Variants in FOXR1 observed in about 807,000 individuals in gnomAD.
The protein encoded by FOXR1 is forkhead box protein R1.
A neutral mutation model predicts 34.5 loss-of-function variants in FOXR1; 25 were observed. That is an observed-to-expected ratio of 0.72 (90% CI 0.53 to 1.01). FOXR1 has a LOEUF of 1.01. Ranked by LOEUF, FOXR1 falls within the 50% of genes least tolerant of loss-of-function variation. The pLI, the probability that FOXR1 is intolerant of heterozygous loss-of-function variation, is 0.00. For synonymous variants in FOXR1, 153 were observed against 141.6 expected (o/e 1.08, Z -0.57); for missense variants, 373 against 376.2 (o/e 0.99, Z 0.07).
chr11:118,973,697 C>CT (rs33940358), intron 1 of FOXR1, among the ~76,000 whole-genome samples: 23,740 of 136,988 alleles, frequency 0.17, 2,276 homozygotes, highest in Middle Eastern at 0.27. Flanking sequence ...ACCCGGCCTT[C>CT]TTTTTTTTTT....
At chr11:118,977,483 G>A (rs1941793113) in intron 1 of FOXR1, among the ~76,000 whole-genome samples, 1 of 152,004 alleles carries the variant, frequency 6.6e-6, no homozygotes, top group Non-Finnish European at 1.5e-5. Flanking sequence ...CTTGAGTTGG[G>A]AGGTGGAGAT....
chr11:118,978,576 G>A (rs1417428148), intron 1 of FOXR1, among the ~76,000 whole-genome samples: 1 of 152,124 alleles, frequency 6.6e-6, no homozygotes, highest in East Asian at 1.9e-4. Context: ...TTCAGGGATA[G>A]TATACGTAGA....
In FOXR1 at chr11:118,972,009, G is replaced by A. The variant is rs1220196104; in HGVS notation, c.61+17G>A. The A allele has an allele frequency of 2.0e-6, 3 of 1,509,800 alleles. No individual in the cohort carries two copies. In the Admixed American group the frequency reaches 6.2e-5, roughly 31 times the overall value. The allele number at this position is 1,509,800 out of a possible 1,614,324, so 93.5% of individuals were successfully genotyped here. ...AGCAGAAACGTGAGTAGCGGGTGGG[G>A]TGAGGTGGGGGGCTGGGCGTGGCGG... On this transcript the variant is annotated intron_variant, in intron 1 of 5. Coordinates refer to ENST00000317011, the MANE Select transcript of FOXR1 (RefSeq NM_181721.3).
Position 118,971,995 on chromosome 11 carries a change from G to T in FOXR1, c.61+3G>T. 6.5e-7 allele frequency: 1 copy of T among 1,544,560 alleles called. No individual in the cohort carries two copies. The highest frequency in any genetic ancestry group is 8.7e-7 in the Non-Finnish European group (1 of 1,142,882). On this transcript the variant is annotated splice_donor_region_variant and intron_variant, in intron 1 of 5. Coordinates refer to ENST00000317011, the MANE Select transcript of FOXR1 (RefSeq NM_181721.3). Reference sequence around the variant, plus strand: ...CCTCCCCTTAGCGGAGCAGAAACGTGAGTAGCGGGTGGGGTGAGGTGGGGG... The same window carrying T: ...CCTCCCCTTAGCGGAGCAGAAACGTTAGTAGCGGGTGGGGTGAGGTGGGGG...
intron 2 of FOXR1, 48 bp from the exon 3 acceptor site, chr11:118,978,909 G>C: frequency 6.2e-7 from 1 of 1,614,048 alleles, no homozygotes; most frequent in African/African-American, 1.3e-5. Flanking sequence ...GAGACCAGGG[G>C]CACCCAAAGC....
Position 118,980,532 on chromosome 11 carries a change from G to T in FOXR1, c.654G>T (p.Lys218Asn). The T allele has an allele frequency of 1.9e-6, 3 of 1,614,240 alleles. No individual in the cohort carries two copies. The highest frequency in any genetic ancestry group is 1.6e-4 in the Middle Eastern group (1 of 6,062). Reference protein sequence around the residue: ...PFFRTAPEGWKNTVRHNLCFR... With the variant: ...PFFRTAPEGWNNTVRHNLCFR... ...TCCGGACGGCCCCGGAAGGCTGGAA[G>T]AATACTGTCCGTCACAATCTCTGTT... Residue 218 changes from lysine to asparagine, a missense_variant, in exon 5 of 6, where the codon AAG becomes AAT. Physicochemically the swap from Lys to Asn is moderately conservative, Grantham distance 94. Coordinates refer to ENST00000317011, the MANE Select transcript of FOXR1 (RefSeq NM_181721.3).
chr11:118,974,348 G>A (rs377582677), intron 1 of FOXR1, among the ~76,000 whole-genome samples: 1 of 152,194 alleles, frequency 6.6e-6, no homozygotes, highest in Non-Finnish European at 1.5e-5. Flanking sequence ...GCAACCACAG[G>A]CACAGGCCAC....
chr11:118,979,606 C>T lies in FOXR1; in HGVS notation c.549C>T (p.Ala183=), dbSNP rs1213859619. Residue 183 remains alanine, a synonymous_variant, in exon 4 of 6, where the codon GCC becomes GCT. Transcript: ENST00000317011. ...CTCTCAATTACTTCCACCTAATTGC[C>T]CTGGCATTAAGAAACAGTTCCCCCT... ...RPPLNYFHLI[A]LALRNSSPCG... is the part of the protein sequence containing the mutation. 16 of 1,612,526 alleles carry T rather than the reference C, an allele frequency of 9.9e-6. No individual in the cohort carries two copies. The Admixed American group carries it at 2.7e-4, about 27-fold the overall frequency.
At chr11:118,974,937 A>C (rs1284083575) in intron 1 of FOXR1, among the ~76,000 whole-genome samples, 3 of 152,190 alleles carry the variant, frequency 2.0e-5, no homozygotes, top group African/African-American at 7.2e-5. Context: ...GGATATGCTG[A>C]GCTGGAGATC....
At chr11:118,975,703 G>A (rs1405198767) in intron 1 of FOXR1, among the ~76,000 whole-genome samples, 2 of 152,156 alleles carry the variant, frequency 1.3e-5, no homozygotes, top group Non-Finnish European at 2.9e-5. Flanking sequence ...AAAGAGAGGG[G>A]AAGATTTGTG....
In FOXR1 at chr11:118,979,161, C is replaced by G. The variant is rs1444049291; in HGVS notation, c.341C>G (p.Ser114Cys). 11 of 1,556,662 alleles carry G rather than the reference C, an allele frequency of 7.1e-6. No homozygotes were observed. The highest frequency in any genetic ancestry group is 9.5e-6 in the Non-Finnish European group (11 of 1,155,192). Reference sequence around the variant, plus strand: ...CTGTCCCAGTCCTCCAGCAAGCGGTCTCCCCCTCGGAAGCGGTTTGCCTTT... The same window carrying G: ...CTGTCCCAGTCCTCCAGCAAGCGGTGTCCCCCTCGGAAGCGGTTTGCCTTT... ...ESLSQSSSKR[S>C]PPRKRFAFSP... is the part of the protein sequence containing the mutation. Residue 114 changes from serine to cysteine, a missense_variant, in exon 3 of 6, where the codon TCT becomes TGT. Physicochemically the swap from Ser to Cys is moderately radical, Grantham distance 112. Transcript: ENST00000317011.
At chr11:118,976,029 T>C (rs1226583054) in intron 1 of FOXR1, among the ~76,000 whole-genome samples, 3 of 152,054 alleles carry the variant, frequency 2.0e-5, no homozygotes, top group Non-Finnish European at 4.4e-5. Context: ...GGGATCATAG[T>C]TGGGGTTGAG....
At chr11:118,980,266 G>C (rs536198595) in intron 4 of FOXR1, 1 of 687,024 alleles carries the variant, frequency 1.5e-6, no homozygotes, top group Admixed American at 2.0e-5. Context: ...TCATGCTGTG[G>C]TCCAAGCCCT....
intron 4 of FOXR1, 117 bp from the exon 5 acceptor site, chr11:118,980,373 C>A: frequency 8.3e-7 from 1 of 1,202,912 alleles, no homozygotes; most frequent in Non-Finnish European, 1.2e-6. Flanking sequence ...GGCCAACTTG[C>A]TACTATCCCC....
At chr11:118,974,710 T>C (rs1374982541) in intron 1 of FOXR1, among the ~76,000 whole-genome samples, 1 of 152,206 alleles carries the variant, frequency 6.6e-6, no homozygotes, top group Non-Finnish European at 1.5e-5. Flanking sequence ...GTACAGAGTC[T>C]AGGAGGCTGC....
rs1941812908 is a variant in FOXR1, at chr11:118,978,976, C to T, written c.156C>T (p.Asn52=). 1 of 1,604,764 alleles carries T rather than the reference C, an allele frequency of 6.2e-7. No homozygotes were observed. The highest frequency in any genetic ancestry group is 1.7e-5 in the Admixed American group (1 of 58,796). ...GCACAGGTCCAGATTATGAGCCCAA[C>T]CTCTGGATGTGGGTAAATCCCAACA... ...PDKDGPDYEP[N]LWMWVNPNIV... The change falls in exon 3 of 6, where the codon AAC becomes AAT. Residue 52 remains asparagine, a synonymous_variant. Coordinates refer to ENST00000317011, the MANE Select transcript of FOXR1 (RefSeq NM_181721.3).
intron 1 of FOXR1, among the ~76,000 whole-genome samples, chr11:118,976,615 G>T (rs1234749565): frequency 6.6e-6 from 1 of 152,210 alleles, no homozygotes; most frequent in African/African-American, 2.4e-5. Context: ...GTATTAACTT[G>T]AATATATACA....
rs542077326 is a variant in FOXR1 at position 118,973,681 on chromosome 11, C to CA, written c.61+1690dup. On this transcript the variant is annotated intron_variant, in intron 1 of 5. Transcript: ENST00000317011. ...AAGTGCTAGAATTACAGGTGTGAGC[C>CA]ACCGCACCCGGCCTTCTTTTTTTTT... Among the ~76,000 whole-genome samples the CA allele has an allele frequency of 1.7e-3, 254 of 150,678 alleles. 1 individual carries two copies. Among genetic ancestry groups the CA allele is most frequent in the African/African-American group, 5.8e-3 (240 of 41,144 alleles).
At position 118,978,686 on chromosome 11, in the gene FOXR1, CA is replaced by C. The variant is rs1175841305; in HGVS notation, c.62-94del. On this transcript the variant is annotated intron_variant, in intron 1 of 5. Transcript: ENST00000317011. ...ATGTTAACTCCCAAGGCAGGGCCCA[CA>C]ACCTTCTCCCAGAGAAGCCTTAAGG... 2.2e-6 allele frequency: 3 copies of C among 1,339,948 alleles called. No individual in the cohort carries two copies. In the African/African-American group the frequency reaches 4.3e-5, roughly 19 times the overall value. The allele number at this position is 1,339,948 out of a possible 1,614,324, so 83.0% of individuals were successfully genotyped here. A position where few individuals can be genotyped will look rare whatever the true frequency, so the allele number is the denominator to read the frequency against.
Sources: allele counts gnomAD v4.1 joint callset (sites outside exome capture counted in the v4.1 genomes callset), GRCh38; gene constraint gnomAD v4.1.1; transcripts MANE v1.5; gene names NCBI Gene and HGNC (gene_info 2026-07-23, HGNC 2026-07-21).